The following BUB1B variants were observed in gnomAD, a reference collection of about 807,000 sequenced individuals.
The protein encoded by BUB1B is mitotic checkpoint serine/threonine-protein kinase BUB1 beta.
Under a neutral mutation model 137.7 loss-of-function variants are expected in BUB1B, and 86 were observed. The observed-to-expected ratio is 0.62, with a 90% CI of 0.52 to 0.75. The LOEUF is 0.75. BUB1B is among the 30% of genes least tolerant of loss of function. The pLI is 0.00. For synonymous variants in BUB1B, 420 were observed against 417.9 expected (o/e 1.00, Z -0.06); for missense variants, 1,130 against 1,236.9 (o/e 0.91, Z 1.30).
At chr15:40,216,220 T>C (rs1205760874) in intron 20 of BUB1B, among the ~76,000 whole-genome samples, 1 of 152,124 alleles carries the variant, frequency 6.6e-6, no homozygotes, top group Admixed American at 6.5e-5. Context: ...AGAGGATCAC[T>C]TGAGCCTAGG....
chr15:40,163,979 T>G (rs2037066712), intron 1 of BUB1B, among the ~76,000 whole-genome samples: 1 of 152,230 alleles, frequency 6.6e-6, no homozygotes, highest in Non-Finnish European at 1.5e-5. Flanking sequence ...CCAGAGGTAA[T>G]GTCTCTTAGA....
chr15:40,220,605 T>G lies in BUB1B; in HGVS notation c.2999T>G (p.Ile1000Ser), dbSNP rs2140914725. Residue 1000 changes from isoleucine to serine, a missense_variant, in exon 23 of 23, where the codon ATT becomes AGT. By Grantham distance (142) the Ile-to-Ser change is moderately radical. Coordinates refer to ENST00000287598, the MANE Select transcript of BUB1B (RefSeq NM_001211.6). Reference sequence around the variant, plus strand: ...TTGTGGAATAAATTCTTTGTGCGGATTCTGAATGCCAATGATGAGGCCACA... The same window carrying G: ...TTGTGGAATAAATTCTTTGTGCGGAGTCTGAATGCCAATGATGAGGCCACA... Reference protein sequence around the residue: ...GELWNKFFVRILNANDEATVS... With the variant: ...GELWNKFFVRSLNANDEATVS... The G allele has an allele frequency of 2.5e-6, 4 of 1,614,226 alleles. No individual in the cohort carries two copies. Among genetic ancestry groups the G allele is most frequent in the Non-Finnish European group, 3.4e-6 (4 of 1,180,038 alleles).
chr15:40,219,714 C>T (rs574466162), intron 22 of BUB1B, among the ~76,000 whole-genome samples: 11 of 82,820 alleles, frequency 1.3e-4, no homozygotes, highest in Admixed American at 6.2e-4. Context: ...AGTGAGACTC[C>T]GTCTCAAAAA....
At chr15:40,197,816 T>A (rs1316096299) in intron 9 of BUB1B, among the ~76,000 whole-genome samples, 1 of 152,194 alleles carries the variant, frequency 6.6e-6, no homozygotes, top group East Asian at 1.9e-4. Context: ...ATGGAACTTG[T>A]GTGTCTAGGT....
At chr15:40,220,142 G>A (rs58584688) in intron 22 of BUB1B, among the ~76,000 whole-genome samples, 2 of 152,122 alleles carry the variant, frequency 1.3e-5, no homozygotes, top group African/African-American at 4.8e-5. Context: ...GCAGTAGTTA[G>A]TTTAGTCAAG....
intron 9 of BUB1B, among the ~76,000 whole-genome samples, chr15:40,199,412 C>T (rs1313614165): frequency 1.3e-5 from 2 of 152,136 alleles, no homozygotes; most frequent in African/African-American, 4.8e-5. Context: ...TAGTAGAAAC[C>T]TGTGTTGTTC....
intron 4 of BUB1B, among the ~76,000 whole-genome samples, chr15:40,175,778 T>A (rs536147066): frequency 6.6e-6 from 1 of 151,476 alleles, no homozygotes; most frequent in Non-Finnish European, 1.5e-5. Flanking sequence ...TATCACAGCC[T>A]TTTTCTCCAG....
chr15:40,194,633 C>G (rs1276102835), intron 8 of BUB1B, among the ~76,000 whole-genome samples: 2 of 152,186 alleles, frequency 1.3e-5, no homozygotes, highest in Non-Finnish European at 2.9e-5. Flanking sequence ...ATAAGTTATT[C>G]TGATCCACAG....
At chr15:40,219,725 A>G (rs2037864628) in intron 22 of BUB1B, among the ~76,000 whole-genome samples, 1 of 76,108 alleles carries the variant, frequency 1.3e-5, no homozygotes, top group Admixed American at 1.1e-4. Flanking sequence ...GTCTCAAAAA[A>G]AACTAAGTAT....
At chr15:40,181,094 T>G (rs1419907008) in intron 5 of BUB1B, among the ~76,000 whole-genome samples, 1 of 17,828 alleles carries the variant, frequency 5.6e-5, no homozygotes, top group Non-Finnish European at 2.1e-4. Flanking sequence ...CTAGATGTGA[T>G]TTTTTTTTTT....
intron 3 of BUB1B, 102 bp downstream of exon 3, chr15:40,170,223 CAGT>C: frequency 9.1e-7 from 1 of 1,102,012 alleles, no homozygotes; most frequent in South Asian, 1.3e-5. Context: ...TCAGAGTAGA[CAGT>C]GGTGTCCTGG....
chr15:40,196,726 G>A lies in BUB1B; in HGVS notation c.1240G>A (p.Glu414Lys), dbSNP rs978902021. The change falls in exon 9 of 23, where the codon GAA becomes AAA. Residue 414 changes from glutamate (E) to lysine (K), a missense_variant. Transcript: ENST00000287598. Reference sequence around the variant, plus strand: ...AGGAGTAGGGGAATTCTCCTTTGAAGAAATTCGGGCTGAAGTTTTCCGGAA... The same window carrying A: ...AGGAGTAGGGGAATTCTCCTTTGAAAAAATTCGGGCTGAAGTTTTCCGGAA... Reference protein sequence around the residue: ...YAGVGEFSFEEIRAEVFRKKL... With the variant: ...YAGVGEFSFEKIRAEVFRKKL... The A allele has an allele frequency of 1.2e-6, 2 of 1,614,068 alleles. No homozygotes were observed. Among genetic ancestry groups the A allele is most frequent in the Non-Finnish European group, 1.7e-6 (2 of 1,179,914 alleles).
chr15:40,206,581 T>G (rs925858479), intron 15 of BUB1B, 123 bp downstream of exon 15: 170 of 1,254,212 alleles, frequency 1.4e-4, no homozygotes, highest in Non-Finnish European at 1.9e-4. Context: ...GCTAAGTGCT[T>G]TACATGAGAG....
At chr15:40,175,744 T>A (rs2037216424) in intron 4 of BUB1B, among the ~76,000 whole-genome samples, 1 of 152,184 alleles carries the variant, frequency 6.6e-6, no homozygotes, top group African/African-American at 2.4e-5. Flanking sequence ...AGATTCAAAA[T>A]TGATTAGCTT....
At chr15:40,218,382 A>C in intron 21 of BUB1B, 74 bp from the exon 22 acceptor site, 1 of 1,113,130 alleles carries the variant, frequency 9.0e-7, no homozygotes, top group Non-Finnish European at 1.4e-6. Flanking sequence ...ATACCTTTCA[A>C]CTTCCTACCG....
intron 12 of BUB1B, 129 bp downstream of exon 12, chr15:40,201,109 A>T (rs1349343835): frequency 3.7e-6 from 3 of 812,572 alleles, no homozygotes; most frequent in Non-Finnish European, 6.1e-6. Context: ...GGAATTTAGT[A>T]TAAGCATATG....
chr15:40,199,889 G>A (rs915211147), intron 10 of BUB1B, 162 bp downstream of exon 10: 1 of 639,062 alleles, frequency 1.6e-6, no homozygotes, highest in African/African-American at 1.8e-5. Context: ...AATTTAACAG[G>A]TGACTTCAAA....
chr15:40,207,482 G>A (rs1043772706), intron 15 of BUB1B, among the ~76,000 whole-genome samples: 1 of 151,916 alleles, frequency 6.6e-6, no homozygotes, highest in Non-Finnish European at 1.5e-5. Context: ...AAGCACATTT[G>A]CTAGCATGTA....
At chr15:40,169,609 C>CTTTTTTTTTTTTTTTTTT (rs893767898) in intron 2 of BUB1B, among the ~76,000 whole-genome samples, 1 of 96,946 alleles carries the variant, frequency 1.0e-5, no homozygotes, top group Non-Finnish European at 2.1e-5. Context: ...TATTTCTATT[C>CTTTTTTTTTTTTTTTTTT]TTTTTTTTTT....
Sources: gnomAD v4.1 joint callset for allele counts (sites outside exome capture counted in the v4.1 genomes callset) on GRCh38, gnomAD v4.1.1 for gene constraint, MANE v1.5 for transcripts, NCBI Gene and HGNC (gene_info 2026-07-23, HGNC 2026-07-21) for gene names.